The following UBE2O variants were observed in gnomAD, a reference collection of about 807,000 sequenced individuals.
UBE2O encodes ubiquitin conjugating enzyme E2 O.
UBE2O carries 15 observed loss-of-function variants against 125.8 expected under a neutral mutation model. The observed-to-expected ratio is 0.12, with a 90% CI of 0.08 to 0.18. The LOEUF (loss-of-function observed/expected upper bound fraction) is 0.18, where lower values mean the gene tolerates loss of function less well. UBE2O is among the 10% of genes least tolerant of loss of function. The probability of loss-of-function intolerance (pLI) is 1.00; values close to 1 mark genes in which losing one functional copy is unlikely to be tolerated. For missense variants in UBE2O, 1,280 were observed against 1,723.6 expected (o/e 0.74, Z 4.56); for synonymous variants, 708 against 703.2 (o/e 1.01, Z -0.11).
rs771318582 is a variant in UBE2O, at chr17:76,397,783, C to A, written c.2115+16G>T. 2 of 1,613,756 alleles carry A rather than the reference C, an allele frequency of 1.2e-6. No individual in the cohort carries two copies. Among genetic ancestry groups the A allele is most frequent in the Non-Finnish European group, 1.7e-6 (2 of 1,179,734 alleles). On this transcript the variant is annotated intron_variant, in intron 13 of 17. Transcript: ENST00000319380. Reference sequence around the variant, plus strand: ...ATAGTCACAAGCTCAGCAGGGGGGTCTTGCCAGAGCCTCACCTGGGGCAGG... The same window carrying A: ...ATAGTCACAAGCTCAGCAGGGGGGTATTGCCAGAGCCTCACCTGGGGCAGG...
At chr17:76,401,399 T>C (rs1174765984) in intron 5 of UBE2O, among the ~76,000 whole-genome samples, 6 of 152,214 alleles carry the variant, frequency 3.9e-5, no homozygotes, top group Non-Finnish European at 8.8e-5. Flanking sequence ...CAAGGGCTCA[T>C]ACTCTGAGGA....
chr17:76,438,637 G>C (rs1052553782), intron 1 of UBE2O, among the ~76,000 whole-genome samples: 1 of 151,990 alleles, frequency 6.6e-6, no homozygotes, highest in African/African-American at 2.4e-5. Context: ...TCTTAGGTTC[G>C]ATAGATTTCA....
At chr17:76,409,201 C>T (rs1199246626) in intron 1 of UBE2O, among the ~76,000 whole-genome samples, 1 of 152,140 alleles carries the variant, frequency 6.6e-6, no homozygotes, top group Non-Finnish European at 1.5e-5. Context: ...ATCTCCTAAC[C>T]TCGTGATCTG....
At chr17:76,448,004 T>C (rs1464894136) in intron 1 of UBE2O, among the ~76,000 whole-genome samples, 2 of 152,312 alleles carry the variant, frequency 1.3e-5, no homozygotes, top group East Asian at 3.9e-4. Context: ...TCTTATTTCA[T>C]TGCAGAGGGA....
intron 1 of UBE2O, among the ~76,000 whole-genome samples, chr17:76,407,809 T>C (rs1028886706): frequency 6.6e-6 from 1 of 152,240 alleles, no homozygotes; most frequent in African/African-American, 2.4e-5. Context: ...AATGCCATTC[T>C]TCCCGTGGGG....
intron 1 of UBE2O, among the ~76,000 whole-genome samples, chr17:76,419,275 C>A (rs1598604823): frequency 8.8e-6 from 1 of 113,628 alleles, no homozygotes; most frequent in Non-Finnish European, 1.7e-5. Context: ...CAGAGTAAGA[C>A]CCTATCTCAA....
rs1319629365 is a variant in UBE2O, at chr17:76,390,817, G to A, written c.*126C>T. 1 of 939,254 alleles carries A rather than the reference G, an allele frequency of 1.1e-6. No individual in the cohort carries two copies. Among genetic ancestry groups the A allele is most frequent in the African/African-American group, 1.6e-5 (1 of 60,886 alleles). The allele number at this position is 939,254 out of a possible 1,614,324, so 58.2% of individuals were successfully genotyped here. ...CACTTCAGCATCAAACTCACCTTGG[G>A]GAGAAGAGGGCAGTGGGTTTGCAGT... On this transcript the variant is annotated 3_prime_UTR_variant, in exon 18 of 18. Coordinates refer to ENST00000319380, the MANE Select transcript of UBE2O (RefSeq NM_022066.4).
rs554073737 is a variant in UBE2O, at chr17:76,437,232, C to T, written c.417+15493G>A. On this transcript the variant is annotated intron_variant, in intron 1 of 17. Coordinates refer to ENST00000319380, the MANE Select transcript of UBE2O (RefSeq NM_022066.4). The stretch of plus-strand genomic sequence containing the variant: ...TTGGGAGGCCAAGGCAGGCGGATCA[C>T]GAGGTCAGGAGATCGAGACCATCCT... Among the ~76,000 whole-genome samples the T allele has an allele frequency of 6.0e-5, 9 of 150,940 alleles. No individual in the cohort carries two copies. In the South Asian group the frequency reaches 1.3e-3, roughly 21 times the overall value.
At chr17:76,445,208 G>A (rs1160656157) in intron 1 of UBE2O, among the ~76,000 whole-genome samples, 1 of 151,966 alleles carries the variant, frequency 6.6e-6, no homozygotes, top group Non-Finnish European at 1.5e-5. Context: ...TTGTTGGGTA[G>A]GACTGACTGC....
rs1270264783 is a variant in UBE2O, at chr17:76,399,519, T to C, written c.1558A>G (p.Ile520Val). The C allele has an allele frequency of 6.2e-7, 1 of 1,614,230 alleles. No homozygotes were observed. The highest frequency in any genetic ancestry group is 8.5e-7 in the Non-Finnish European group (1 of 1,180,048). Residue 520 changes from isoleucine to valine, a missense_variant, in exon 9 of 18, where the codon ATC (isoleucine) becomes GTC (valine). Ile to Val is a conservative substitution (Grantham distance 29, BLOSUM62 3). This residue lies in a region of UBE2O where 145 missense variants were observed against 219.6 expected (regional missense o/e 0.66). Transcript: ENST00000319380. This position sits in a 1 kb window ranked among gnomAD's most constrained non-coding sequence, Gnocchi z 6.9. ...TTGTGTTTGCGCTTTAAGTTCTTGATGGACAAGGGGATGCTCTTTTTGCGA... is the reference window on the plus strand; with the variant it reads ...TTGTGTTTGCGCTTTAAGTTCTTGACGGACAAGGGGATGCTCTTTTTGCGA... ...TSRKKSIPLS[I>V]KNLKRKHKRK...
In UBE2O at chr17:76,442,238, A is replaced by G. The variant is rs1389764595; in HGVS notation, c.417+10487T>C. ...CAAAGTAGTAACTACAATATGGTGT[A>G]TTCTGATTAATCTGCTCTTCCTAGT... On this transcript the variant is annotated intron_variant, in intron 1 of 17. Coordinates refer to ENST00000319380, the MANE Select transcript of UBE2O (RefSeq NM_022066.4). 2.0e-5 allele frequency among the ~76,000 whole-genome samples: 3 copies of G among 152,320 alleles called. No homozygotes were observed. In the East Asian group the frequency reaches 5.8e-4, roughly 29 times the overall value.
Position 76,428,941 on chromosome 17 carries a change from G to A in UBE2O, c.418-23369C>T, listed in dbSNP as rs369396247. 6.2e-5 allele frequency among the ~76,000 whole-genome samples: 9 copies of A among 146,218 alleles called. No individual in the cohort carries two copies. The East Asian group carries it at 1.2e-3, about 20-fold the overall frequency. On this transcript the variant is annotated intron_variant, in intron 1 of 17. Transcript: ENST00000319380. ...TTTTGAGATGGAGTCTTGCTCTGTC[G>A]CCCAGGCTGGAGTGCAGTGGCATGA...
intron 1 of UBE2O, among the ~76,000 whole-genome samples, chr17:76,441,939 AT>A (rs1314704620): frequency 6.6e-6 from 1 of 152,192 alleles, no homozygotes; most frequent in Non-Finnish European, 1.5e-5. Context: ...TGCGTTCCTG[AT>A]TCATTTGCAG....
chr17:76,415,386 G>C (rs1273080859), intron 1 of UBE2O, among the ~76,000 whole-genome samples: 1 of 152,164 alleles, frequency 6.6e-6, no homozygotes, highest in Admixed American at 6.5e-5. Context: ...AGCTGCCTAA[G>C]GTCACCCAAG....
At chr17:76,437,849 A>G (rs1407785968) in intron 1 of UBE2O, among the ~76,000 whole-genome samples, 1 of 152,238 alleles carries the variant, frequency 6.6e-6, no homozygotes, top group East Asian at 1.9e-4. Flanking sequence ...AATCTAAAAA[A>G]TGTTTGTTTA....
Position 76,405,114 on chromosome 17 carries a change from C to G in UBE2O, c.588+92G>C. On this transcript the variant is annotated intron_variant, in intron 3 of 17. Coordinates refer to ENST00000319380, the MANE Select transcript of UBE2O (RefSeq NM_022066.4). This position sits in a 1 kb window ranked among gnomAD's most constrained non-coding sequence, Gnocchi z 6.1. ...TCTGACCCAGGAAGGCTGTGCTTGG[C>G]AAGAGCACGGAGGAGGCTGTAGCCC... The G allele has an allele frequency of 1.0e-6, 1 of 960,290 alleles. No individual in the cohort carries two copies. The highest frequency in any genetic ancestry group is 2.2e-4 in the Middle Eastern group (1 of 4,530). 59.5% of individuals were successfully genotyped at this position (960,290 alleles called of 1,614,324 possible). A position where few individuals can be genotyped will look rare whatever the true frequency, so the allele number is the denominator to read the frequency against.
intron 1 of UBE2O, among the ~76,000 whole-genome samples, chr17:76,418,092 C>T (rs950402987): frequency 2.6e-5 from 4 of 152,094 alleles, no homozygotes; most frequent in Non-Finnish European, 5.9e-5. Flanking sequence ...ACACCCAGTC[C>T]CACCCTGGGG....
At position 76,452,781 on chromosome 17, in the gene UBE2O, A is replaced by G. The variant is rs761439412; in HGVS notation, c.361T>C (p.Tyr121His). Residue 121 changes from tyrosine (Y) to histidine (H), a missense_variant, in exon 1 of 18, where the codon TAC (tyrosine) becomes CAC (histidine). By Grantham distance (83) the Tyr-to-His change is moderately conservative. Around this residue, in one of 10 missense-constraint regions of UBE2O, gnomAD observed 188 missense variants for 192.5 expected, o/e 0.98. Coordinates refer to ENST00000319380, the MANE Select transcript of UBE2O (RefSeq NM_022066.4). The surrounding 1 kb of genome is among the most constrained non-coding windows in gnomAD (Gnocchi z 4.4). Reference protein sequence around the residue: ...EGRASPLRRGYVRVQWYPEGV... With the variant: ...EGRASPLRRGHVRVQWYPEGV... ...TCCGGGTACCACTGGACGCGCACGT[A>G]GCCGCGGCGCAGGGGGCTGGCCCGG... The G allele has an allele frequency of 2.0e-6, 3 of 1,522,686 alleles. No homozygotes were observed. The highest frequency in any genetic ancestry group is 1.2e-5 in the South Asian group (1 of 80,776). 94.3% of individuals were successfully genotyped at this position (1,522,686 alleles called of 1,614,324 possible).
rs779088980 is a variant in UBE2O, at chr17:76,396,033, C to T, written c.2809+95G>A. On this transcript the variant is annotated intron_variant, in intron 14 of 17. Transcript: ENST00000319380. The surrounding 1 kb of genome is among the most constrained non-coding windows in gnomAD (Gnocchi z 6.7). ...CCCTGGGGCAGTAGCTGGGGTCTGG[C>T]GAGGGGACTAACCACCCTGCACCCA... is the stretch of plus-strand genomic sequence containing the variant. 5 of 1,492,280 alleles carry T rather than the reference C, an allele frequency of 3.4e-6. No individual in the cohort carries two copies. In the South Asian group the frequency reaches 4.8e-5, roughly 14 times the overall value. The allele number at this position is 1,492,280 out of a possible 1,614,324, so 92.4% of individuals were successfully genotyped here. A position where few individuals can be genotyped will look rare whatever the true frequency, so the allele number is the denominator to read the frequency against.
Sources: allele counts gnomAD v4.1 joint callset (sites outside exome capture counted in the v4.1 genomes callset), GRCh38; gene constraint gnomAD v4.1.1; regional missense constraint gnomAD v4.1.1; non-coding constraint Gnocchi (gnomAD v3.1); transcripts MANE v1.5; gene names NCBI Gene and HGNC (gene_info 2026-07-23, HGNC 2026-07-21).